The following HAS3 variants were observed in gnomAD, a reference collection of about 807,000 sequenced individuals.
The protein encoded by HAS3 is hyaluronan synthase 3, also known as HA synthase 3.
A neutral mutation model predicts 50.3 loss-of-function variants in HAS3; 27 were observed. The observed-to-expected ratio is 0.54, with a 90% CI of 0.40 to 0.74. The LOEUF is 0.74. Ranked by LOEUF, HAS3 falls within the 30% of genes least tolerant of loss-of-function variation. The pLI is 0.00. For missense variants in HAS3, 517 were observed against 742.8 expected (o/e 0.70, Z 3.53); for synonymous variants, 339 against 310.9 (o/e 1.09, Z -0.95).
chr16:69,115,739 T>C lies in HAS3; in HGVS notation c.*473T>C. 1.0e-6 allele frequency: 1 copy of C among 987,102 alleles called. No homozygotes were observed. Among genetic ancestry groups the C allele is most frequent in the African/African-American group, 1.7e-5 (1 of 57,302 alleles). The allele number at this position is 987,102 out of a possible 1,614,324, so 61.1% of individuals were successfully genotyped here. A position where few individuals can be genotyped will look rare whatever the true frequency, so the allele number is the denominator to read the frequency against. Reference sequence around the variant, plus strand: ...GTGTATGTCACCCCCACCCCACCCCTAAGTAGTCATCAATGCAATAAGATT... The same window carrying C: ...GTGTATGTCACCCCCACCCCACCCCCAAGTAGTCATCAATGCAATAAGATT... On this transcript the variant is annotated 3_prime_UTR_variant, in exon 4 of 4. Transcript: ENST00000569188.
rs1293048641 is a variant in HAS3, at chr16:69,114,807, C to T, written c.1203C>T (p.Phe401=). 9 of 1,614,014 alleles carry T rather than the reference C, an allele frequency of 5.6e-6. No homozygotes were observed. Among genetic ancestry groups the T allele is most frequent in the Non-Finnish European group, 2.5e-6 (3 of 1,180,032 alleles). Residue 401 remains phenylalanine (F), a synonymous_variant, in exon 4 of 4, where the codon TTC becomes TTT. Transcript: ENST00000569188. This position sits in a 1 kb window ranked among gnomAD's most constrained non-coding sequence, Gnocchi z 6.4. ...TCATTGCCACGGTTATACAGCTTTT[C>T]TACCGGGGCCGCATCTGGAACATTC... ...FFLIATVIQL[F]YRGRIWNILL...
chr16:69,096,909 G>C, the HAS3 span, among the ~76,000 whole-genome samples: 1 of 152,140 alleles, frequency 6.6e-6, no homozygotes, highest in South Asian at 2.1e-4. Flanking sequence ...GAGCCACTGC[G>C]CCCAGCCTAA....
downstream of HAS3, chr16:69,118,367 G>A (rs1278103952): frequency 1.9e-5 from 30 of 1,607,490 alleles, no homozygotes; most frequent in Non-Finnish European, 2.6e-5. Context: ...CCCAGGGAAA[G>A]GTATGGCAGT....
At position 69,114,412 on chromosome 16, in the gene HAS3, G is replaced by C; in HGVS notation, c.808G>C (p.Glu270Gln). Residue 270 changes from glutamate to glutamine, a missense_variant, in exon 4 of 4, where the codon GAG (glutamate) becomes CAG (glutamine). Physicochemically the swap from Glu to Gln is conservative, Grantham distance 29. Coordinates refer to ENST00000569188, the MANE Select transcript of HAS3 (RefSeq NM_001199280.2). The surrounding 1 kb of genome is among the most constrained non-coding windows in gnomAD (Gnocchi z 6.4). ...GCGGTACTGGATGGCCTTCAACGTGGAGCGGGCCTGCCAGTCCTACTTTGG... is the reference window on the plus strand; with the variant it reads ...GCGGTACTGGATGGCCTTCAACGTGCAGCGGGCCTGCCAGTCCTACTTTGG... ...SVRYWMAFNV[E>Q]RACQSYFGCV... is the part of the protein sequence containing the mutation. The C allele has an allele frequency of 6.2e-7, 1 of 1,612,438 alleles. No individual in the cohort carries two copies. The highest frequency in any genetic ancestry group is 8.5e-7 in the Non-Finnish European group (1 of 1,180,008).
At chr16:69,110,728 G>A (rs576858109) in intron 2 of HAS3, among the ~76,000 whole-genome samples, 4 of 152,266 alleles carry the variant, frequency 2.6e-5, no homozygotes, top group South Asian at 2.1e-4. Flanking sequence ...CAGGATTTGC[G>A]CCCAGGCCGT....
At chr16:69,092,690 G>T in the HAS3 span, among the ~76,000 whole-genome samples, 486 of 151,828 alleles carry the variant, frequency 3.2e-3, no homozygotes, top group Non-Finnish European at 5.2e-3. Context: ...CCTCAAAAGA[G>T]TGTCCTAGTA....
At chr16:69,091,612 G>A in the HAS3 span, among the ~76,000 whole-genome samples, 2 of 152,084 alleles carry the variant, frequency 1.3e-5, no homozygotes, top group African/African-American at 2.4e-5. Context: ...TCAGGACTAG[G>A]AAGCCTTCAG....
At chr16:69,093,814 G>A in the HAS3 span, among the ~76,000 whole-genome samples, 2 of 152,122 alleles carry the variant, frequency 1.3e-5, no homozygotes, top group African/African-American at 4.8e-5. Context: ...ACAGGCATAA[G>A]CCACTGCGCC....
At chr16:69,100,284 A>C in the HAS3 span, among the ~76,000 whole-genome samples, 1 of 152,194 alleles carries the variant, frequency 6.6e-6, no homozygotes, top group African/African-American at 2.4e-5. Context: ...TTATGTATTA[A>C]CTAGCATTGC....
intron 3 of HAS3, among the ~76,000 whole-genome samples, chr16:69,113,839 C>G (rs958975819): frequency 2.0e-5 from 3 of 152,172 alleles, no homozygotes; most frequent in African/African-American, 7.2e-5. Flanking sequence ...GCCGGTGGTA[C>G]AGCAAGTAGC....
chr16:69,088,448 T>A, the HAS3 span, among the ~76,000 whole-genome samples: 1 of 150,898 alleles, frequency 6.6e-6, no homozygotes, highest in Non-Finnish European at 1.5e-5. Context: ...TAATCCCAGC[T>A]GCTCAGGAGG....
rs1036529707 is a variant in HAS3 at position 69,113,611 on chromosome 16, C to T, written c.738+69C>T. ...TTTTTCCTAATCCAATTGGATATGC[C>T]TGGGAAATGGGTGTCTTGACTTCCT... On this transcript the variant is annotated intron_variant, in intron 3 of 3. Coordinates refer to ENST00000569188, the MANE Select transcript of HAS3 (RefSeq NM_001199280.2). 8.6e-6 allele frequency: 8 copies of T among 927,258 alleles called. No individual in the cohort carries two copies. The African/African-American group carries it at 1.2e-4, about 13-fold the overall frequency. 57.4% of individuals were successfully genotyped at this position (927,258 alleles called of 1,614,324 possible).
downstream of HAS3, chr16:69,118,309 G>C (rs1295447507): frequency 9.3e-6 from 11 of 1,188,780 alleles, no homozygotes; most frequent in Non-Finnish European, 2.5e-6. Context: ...GCATTCGGTG[G>C]GTCTTTCTTT....
the HAS3 span, among the ~76,000 whole-genome samples, chr16:69,091,055 G>A: frequency 2.0e-5 from 3 of 152,138 alleles, no homozygotes; most frequent in African/African-American, 7.2e-5. Flanking sequence ...TTTACACTGT[G>A]CATTGCTGCT....
rs1469761747 is a variant in HAS3, at chr16:69,116,062, G to C, written c.*796G>C. 2.0e-5 allele frequency: 20 copies of C among 985,508 alleles called. No individual in the cohort carries two copies. The highest frequency in any genetic ancestry group is 2.3e-5 in the Non-Finnish European group (19 of 829,872). 61.0% of individuals were successfully genotyped at this position (985,508 alleles called of 1,614,324 possible). Reference sequence around the variant, plus strand: ...GGTTCTTAGCTTGTCTGTGATCTCTGCTGGGGAGATAAAAAGATTAAGCCC... The same window carrying C: ...GGTTCTTAGCTTGTCTGTGATCTCTCCTGGGGAGATAAAAAGATTAAGCCC... On this transcript the variant is annotated 3_prime_UTR_variant, in exon 4 of 4. Transcript: ENST00000569188.
At chr16:69,113,849 C>T (rs1476286260) in intron 3 of HAS3, among the ~76,000 whole-genome samples, 7 of 152,164 alleles carry the variant, frequency 4.6e-5, no homozygotes, top group African/African-American at 1.7e-4. Flanking sequence ...CAGCAAGTAG[C>T]TCCAAAGTCA....
Position 69,109,446 on chromosome 16 carries a change from T to C in HAS3, c.51T>C (p.Phe17=), listed in dbSNP as rs779019500. The C allele has an allele frequency of 2.4e-5, 38 of 1,613,072 alleles. No individual in the cohort carries two copies. Among genetic ancestry groups the C allele is most frequent in the Non-Finnish European group, 2.9e-5 (34 of 1,179,954 alleles). Residue 17 remains phenylalanine (F), a synonymous_variant, in exon 2 of 4, where the codon TTT becomes TTC. Coordinates refer to ENST00000569188, the MANE Select transcript of HAS3 (RefSeq NM_001199280.2). This position sits in a 1 kb window ranked among gnomAD's most constrained non-coding sequence, Gnocchi z 5.3. The part of the protein sequence containing the change: ...TALRVVGTSL[F]ALAVLGGILA... ...TGCGTGTGGTGGGCACCAGCCTGTT[T>C]GCCCTGGCAGTGCTGGGTGGCATCC...
At chr16:69,083,616 G>A in the HAS3 span, 2 of 1,580,096 alleles carry the variant, frequency 1.3e-6, no homozygotes, top group Non-Finnish European at 1.7e-6. Context: ...AAAACTTCCT[G>A]TTCCCTCCAC....
chr16:69,112,536 A>G (rs1243069765), intron 2 of HAS3, among the ~76,000 whole-genome samples: 1 of 152,230 alleles, frequency 6.6e-6, no homozygotes, highest in Non-Finnish European at 1.5e-5. Context: ...CAAGGATCTT[A>G]GGCTTCTACA....
Sources: gnomAD v4.1 joint callset for allele counts (sites outside exome capture counted in the v4.1 genomes callset) on GRCh38, gnomAD v4.1.1 for gene constraint, Gnocchi (gnomAD v3.1) non-coding constraint, MANE v1.5 for transcripts, NCBI Gene and HGNC (gene_info 2026-07-23, HGNC 2026-07-21) for gene names.